Variants in ACOT11 observed in about 807,000 individuals in gnomAD.
ACOT11 encodes acyl-coenzyme A thioesterase 11.
Under a neutral mutation model 77.5 loss-of-function variants are expected in ACOT11, and 69 were observed. That is an observed-to-expected ratio of 0.89 (90% CI 0.73 to 1.09). The LOEUF is 1.09. Ranked by LOEUF, ACOT11 falls within the 50% of genes least tolerant of loss-of-function variation. The pLI is 0.00. For synonymous variants in ACOT11, 279 were observed against 313.0 expected, an observed-to-expected ratio of 0.89 and a Z score of 1.15; for missense variants, 766 against 813.7, an observed-to-expected ratio of 0.94 and a Z score of 0.71.
chr1:54,585,493 T>C (rs779924263), intron 2 of ACOT11, among the ~76,000 whole-genome samples: 5 of 152,144 alleles, frequency 3.3e-5, no homozygotes, highest in Non-Finnish European at 7.4e-5. Context: ...CAGTGTGGTG[T>C]GATCACTCAT....
At chr1:54,570,847 A>AT (rs34981654) in intron 1 of ACOT11, among the ~76,000 whole-genome samples, 9,181 of 151,688 alleles carry the variant, frequency 0.061, 896 homozygotes, top group African/African-American at 0.21. Flanking sequence ...CACCCAGCTA[A>AT]TTTTTTTGTA....
chr1:54,581,621 A>G (rs1011293231), intron 1 of ACOT11, among the ~76,000 whole-genome samples: 1 of 152,154 alleles, frequency 6.6e-6, no homozygotes, highest in Non-Finnish European at 1.5e-5. Flanking sequence ...GCCTGGGGCC[A>G]GCACTTGGCA....
downstream of ACOT11, among the ~76,000 whole-genome samples, chr1:54,612,325 C>T (rs1035191785): frequency 6.6e-6 from 1 of 151,692 alleles, no homozygotes; most frequent in Non-Finnish European, 1.5e-5. Flanking sequence ...AGCCCGTCAC[C>T]AGAGGTATGC....
intron 1 of ACOT11, among the ~76,000 whole-genome samples, chr1:54,564,137 G>T (rs1653651768): frequency 2.0e-5 from 3 of 152,252 alleles, no homozygotes; most frequent in East Asian, 1.9e-4. Flanking sequence ...CTACTCAAGG[G>T]GCTGAGGTGG....
At position 54,568,883 on chromosome 1, in the gene ACOT11, G is replaced by A. The variant is rs1653835083; in HGVS notation, c.34-15772G>A. Among the ~76,000 whole-genome samples the A allele has an allele frequency of 2.6e-5, 4 of 152,018 alleles. No homozygotes were observed. The South Asian group carries it at 8.3e-4, about 32-fold the overall frequency. On this transcript the variant is annotated intron_variant, in intron 1 of 15. Transcript: ENST00000343744. The stretch of plus-strand genomic sequence containing the variant: ...CACCTCAGCCTTCCGAGTGGCTGGG[G>A]TGTGGCTAAAAACTTTTTCTTTTAC...
intron 15 of ACOT11, among the ~76,000 whole-genome samples, chr1:54,622,611 C>T (rs113278274): frequency 1.4e-3 from 215 of 151,794 alleles, no homozygotes; most frequent in Middle Eastern, 3.4e-3. Context: ...TGGTTGCACA[C>T]GCCTGTGATC....
At chr1:54,633,412 C>T (rs761824133) in intron 16 of ACOT11, among the ~76,000 whole-genome samples, 9 of 152,210 alleles carry the variant, frequency 5.9e-5, no homozygotes, top group Non-Finnish European at 8.8e-5. Context: ...GGGAGCATTA[C>T]AGCCAGGATT....
chr1:54,603,166 G>A (rs1225706020), intron 10 of ACOT11, among the ~76,000 whole-genome samples: 3 of 152,142 alleles, frequency 2.0e-5, no homozygotes, highest in Non-Finnish European at 2.9e-5. Flanking sequence ...GCAAAACCCC[G>A]TCTCTACTAA....
At position 54,607,031 on chromosome 1, in the gene ACOT11, A is replaced by G. The variant is rs116759939; in HGVS notation, c.1371-103A>G. On this transcript the variant is annotated intron_variant, in intron 13 of 15. Transcript: ENST00000343744. The surrounding 1 kb of genome is among the most constrained non-coding windows in gnomAD (Gnocchi z 4.5). ...AGTACAGGGGGTGACATCCCATCAC[A>G]GAAGCTGCTCAGGCACTGCAGTGTG... The G allele has an allele frequency of 1.4e-3, 2,179 of 1,508,702 alleles. 3 individuals carry two copies. The highest frequency in any genetic ancestry group is 1.8e-3 in the Non-Finnish European group (1,984 of 1,113,670). The allele number at this position is 1,508,702 out of a possible 1,614,324, so 93.5% of individuals were successfully genotyped here.
rs41297139 is a variant in ACOT11, at chr1:54,610,041, A to G, written c.*929A>G. The G allele has an allele frequency of 0.016, 23,046 of 1,458,668 alleles. 224 individuals carry two copies. Among genetic ancestry groups the G allele is most frequent in the Non-Finnish European group, 0.018 (19,683 of 1,110,050 alleles). 90.4% of individuals were successfully genotyped at this position (1,458,668 alleles called of 1,614,324 possible). ...GGCAGTGGGAGTTATGGGGTCATCA[A>G]GGACCTTGCCTCTCTGGAATCTGTC... On this transcript the variant is annotated 3_prime_UTR_variant, in exon 16 of 16. Transcript: ENST00000343744.
chr1:54,615,481 G>A (rs1242551103), intron 15 of ACOT11, among the ~76,000 whole-genome samples: 1 of 152,170 alleles, frequency 6.6e-6, no homozygotes, highest in Non-Finnish European at 1.5e-5. Flanking sequence ...TGGTAGTCAA[G>A]GGAAGCCTGG....
At chr1:54,631,888 G>A (rs1417929109) in intron 16 of ACOT11, among the ~76,000 whole-genome samples, 2 of 152,174 alleles carry the variant, frequency 1.3e-5, no homozygotes, top group African/African-American at 4.8e-5. Flanking sequence ...ACCTATCAGA[G>A]GGAAAGCACA....
At chr1:54,595,289 T>TGAGCCGAGATCACACC (rs1654859787) in intron 6 of ACOT11, among the ~76,000 whole-genome samples, 1 of 150,562 alleles carries the variant, frequency 6.6e-6, no homozygotes, top group African/African-American at 2.5e-5. Context: ...GAGATTGCAG[T>TGAGCCGAGATCACACC]GAGCCGAGAT....
intron 15 of ACOT11, among the ~76,000 whole-genome samples, chr1:54,626,236 C>G (rs1476833257): frequency 6.6e-6 from 1 of 151,668 alleles, no homozygotes; most frequent in Admixed American, 6.6e-5. Flanking sequence ...CACCATTGAC[C>G]ACCAGCCTGA....
Position 54,565,809 on chromosome 1 carries a change from G to T in ACOT11, c.33+17467G>T, listed in dbSNP as rs962896037. 4.6e-5 allele frequency among the ~76,000 whole-genome samples: 7 copies of T among 152,254 alleles called. No homozygotes were observed. In the East Asian group the frequency reaches 1.4e-3, roughly 29 times the overall value. ...GGACCAGATGAACCAACCAGCTTTAGTATCTCCCAGACTCTAGGCAAACAA... is the reference window on the plus strand; with the variant it reads ...GGACCAGATGAACCAACCAGCTTTATTATCTCCCAGACTCTAGGCAAACAA... On this transcript the variant is annotated intron_variant, in intron 1 of 15. Transcript: ENST00000343744.
Position 54,605,121 on chromosome 1 carries a change from A to G in ACOT11, c.1282A>G (p.Met428Val), listed in dbSNP as rs764894356. 1.2e-5 allele frequency: 20 copies of G among 1,613,736 alleles called. No individual in the cohort carries two copies. The highest frequency in any genetic ancestry group is 1.2e-4 in the Admixed American group (7 of 59,984). Residue 428 changes from methionine (M) to valine (V), a missense_variant, in exon 13 of 16, where the codon ATG becomes GTG. Met to Val is a conservative substitution (Grantham distance 21). Coordinates refer to ENST00000343744, the MANE Select transcript of ACOT11 (RefSeq NM_147161.4). ...GGATGACAAGTTCCTCTCCTTCCAC[A>G]TGGAGATGGTGGTGCATGTGGATGC... ...LEDDKFLSFH[M>V]EMVVHVDAAQ...
exon 17 of ACOT11, chr1:54,638,584 C>T (rs1386251921): frequency 6.6e-6 from 1 of 152,178 alleles, no homozygotes; most frequent in Admixed American, 6.5e-5. Context: ...TCTCAAACTC[C>T]TGACTTCAAG....
At chr1:54,577,937 G>A (rs1459222441) in intron 1 of ACOT11, among the ~76,000 whole-genome samples, 1 of 152,184 alleles carries the variant, frequency 6.6e-6, no homozygotes, top group Non-Finnish European at 1.5e-5. Context: ...CTGTGTACTG[G>A]CTTTTCTCCC....
chr1:54,587,391 G>A (rs1329320999), intron 3 of ACOT11, among the ~76,000 whole-genome samples: 1 of 151,580 alleles, frequency 6.6e-6, no homozygotes, highest in African/African-American at 2.4e-5. Flanking sequence ...GGGAGCACCT[G>A]TAATCCCAGC....
Sources: gnomAD v4.1 joint callset for allele counts (sites outside exome capture counted in the v4.1 genomes callset) on GRCh38, gnomAD v4.1.1 for gene constraint, Gnocchi (gnomAD v3.1) non-coding constraint, MANE v1.5 for transcripts, NCBI Gene and HGNC (gene_info 2026-07-23, HGNC 2026-07-21) for gene names.